Variants in CCDC138 observed in about 807,000 individuals in gnomAD.
CCDC138 encodes coiled-coil domain-containing protein 138.
Under a neutral mutation model 82.3 loss-of-function variants are expected in CCDC138, and 66 were observed. The ratio of observed to expected loss-of-function variants is 0.80; its 90% CI spans 0.66 to 0.98. CCDC138 has a LOEUF of 0.98. Ranked by LOEUF, CCDC138 falls within the 50% of genes least tolerant of loss-of-function variation. The pLI, the probability that CCDC138 is intolerant of heterozygous loss-of-function variation, is 0.00. For missense variants in CCDC138, 816 were observed against 758.9 expected (o/e 1.08, Z -0.88); for synonymous variants, 297 against 265.4 (o/e 1.12, Z -1.16).
chr2:108,812,570 C>A (rs1331876659), intron 7 of CCDC138, 61 bp from the exon 8 acceptor site: 2 of 1,241,754 alleles, frequency 1.6e-6, no homozygotes, highest in Non-Finnish European at 2.4e-6. Flanking sequence ...GATTGGGAAA[C>A]CCTTAGTATG....
intron 3 of CCDC138, 31 bp from the exon 4 acceptor site, chr2:108,791,644 A>G (rs776500022): frequency 1.9e-6 from 3 of 1,595,906 alleles, no homozygotes; most frequent in African/African-American, 1.3e-5. Context: ...GTAAACTTCT[A>G]GATTGCTGTG....
intron 7 of CCDC138, among the ~76,000 whole-genome samples, chr2:108,811,668 A>G (rs1683896276): frequency 6.6e-6 from 1 of 152,074 alleles, no homozygotes; most frequent in Non-Finnish European, 1.5e-5. Flanking sequence ...TTACATGGAT[A>G]TATTGTGTAA....
chr2:108,855,643 C>T (rs551276136), intron 12 of CCDC138, among the ~76,000 whole-genome samples: 1 of 152,198 alleles, frequency 6.6e-6, no homozygotes, highest in Admixed American at 6.5e-5. Context: ...TAAATTCTAC[C>T]AATGGTAAAA....
intron 5 of CCDC138, among the ~76,000 whole-genome samples, chr2:108,797,962 A>AT (rs11289218): frequency 4.4e-4 from 62 of 141,228 alleles, no homozygotes; most frequent in Admixed American, 2.1e-3. Context: ...ACGGTGTGTG[A>AT]TTTTTTTTTT....
At chr2:108,877,202 T>G (rs1696078967), downstream of CCDC138, among the ~76,000 whole-genome samples, 3 of 152,114 alleles carry the variant, frequency 2.0e-5, no homozygotes, top group Non-Finnish European at 4.4e-5. Flanking sequence ...GCGCGGTGGC[T>G]TACGCCTGTA....
intron 13 of CCDC138, among the ~76,000 whole-genome samples, chr2:108,864,441 C>G (rs1347987877): frequency 6.6e-6 from 1 of 151,980 alleles, no homozygotes; most frequent in African/African-American, 2.4e-5. Context: ...GGAGGGAGGA[C>G]TGCTTGATCC....
At chr2:108,802,468 T>C (rs1404724979) in intron 6 of CCDC138, among the ~76,000 whole-genome samples, 2,270 of 143,444 alleles carry the variant, frequency 0.016, 65 homozygotes, top group African/African-American at 0.061. Context: ...GTGATTTTTG[T>C]ACATTGATTT....
chr2:108,818,100 G>T (rs980080336), intron 10 of CCDC138, among the ~76,000 whole-genome samples: 9 of 152,092 alleles, frequency 5.9e-5, no homozygotes, highest in African/African-American at 1.2e-4. Context: ...GAGCCTAGGG[G>T]TTTGAGATCA....
At chr2:108,818,713 T>C (rs1337136973) in intron 10 of CCDC138, among the ~76,000 whole-genome samples, 2 of 152,180 alleles carry the variant, frequency 1.3e-5, no homozygotes, top group Non-Finnish European at 2.9e-5. Context: ...GTTATCGGAC[T>C]CTGTTAACCA....
At chr2:108,842,989 A>G (rs142228769) in intron 11 of CCDC138, among the ~76,000 whole-genome samples, 8 of 152,276 alleles carry the variant, frequency 5.3e-5, no homozygotes, top group South Asian at 2.1e-4. Flanking sequence ...TTTTGCTTCA[A>G]CCGTCAAACA....
At chr2:108,830,916 T>C (rs899942533) in intron 10 of CCDC138, among the ~76,000 whole-genome samples, 1 of 152,074 alleles carries the variant, frequency 6.6e-6, no homozygotes, top group African/African-American at 2.4e-5. Context: ...GGCTCACGCC[T>C]GTAGTCCCAG....
At chr2:108,793,079 C>T (rs1182734848) in intron 4 of CCDC138, among the ~76,000 whole-genome samples, 3 of 143,456 alleles carry the variant, frequency 2.1e-5, no homozygotes, top group African/African-American at 7.9e-5. Flanking sequence ...AAAGCAAGGC[C>T]GGGCACGGTG....
chr2:108,860,089 T>A (rs1574269430), intron 13 of CCDC138, among the ~76,000 whole-genome samples: 2 of 152,128 alleles, frequency 1.3e-5, no homozygotes, highest in East Asian at 3.8e-4. Flanking sequence ...TGCCCTTGAT[T>A]TGGTTTTCAG....
At chr2:108,787,178 C>T (rs888703881) in intron 1 of CCDC138, among the ~76,000 whole-genome samples, 12 of 151,952 alleles carry the variant, frequency 7.9e-5, no homozygotes, top group Non-Finnish European at 1.8e-4. Flanking sequence ...TGCTATTCAG[C>T]TTTTTTTTGC....
chr2:108,850,963 T>G (rs1691381065), intron 12 of CCDC138, among the ~76,000 whole-genome samples: 1 of 152,138 alleles, frequency 6.6e-6, no homozygotes, highest in African/African-American at 2.4e-5. Context: ...ATCCCACAAG[T>G]TGGGCACTCA....
rs202200427 is a variant in CCDC138, at chr2:108,825,012, G to A, written c.1206+8907G>A. On this transcript the variant is annotated intron_variant, in intron 10 of 14. Coordinates refer to ENST00000295124, the MANE Select transcript of CCDC138 (RefSeq NM_144978.3). Reference sequence around the variant, plus strand: ...CTCTTTCATATGGAACTAGACATATGTATGGAAGATACAGTACACAGAATT... The same window carrying A: ...CTCTTTCATATGGAACTAGACATATATATGGAAGATACAGTACACAGAATT... Among the ~76,000 whole-genome samples the A allele has an allele frequency of 5.3e-5, 8 of 152,178 alleles. No homozygotes were observed. The East Asian group carries it at 1.5e-3, about 29-fold the overall frequency.
At chr2:108,829,660 C>T (rs996819011) in intron 10 of CCDC138, among the ~76,000 whole-genome samples, 49 of 152,254 alleles carry the variant, frequency 3.2e-4, no homozygotes, top group African/African-American at 1.1e-3. Context: ...GCATGGGAAT[C>T]GCTTGAACCT....
chr2:108,869,697 A>T (rs1419665924), intron 13 of CCDC138, among the ~76,000 whole-genome samples: 3 of 152,126 alleles, frequency 2.0e-5, no homozygotes, highest in Non-Finnish European at 1.5e-5. Flanking sequence ...AGAAAAAAAG[A>T]AAAAAACAGC....
intron 11 of CCDC138, among the ~76,000 whole-genome samples, chr2:108,844,100 G>A (rs773515662): frequency 6.6e-6 from 1 of 151,566 alleles, no homozygotes; most frequent in South Asian, 2.1e-4. Context: ...AGGCTCAAGC[G>A]ATCTTCCATC....
Sources: gnomAD v4.1 joint callset for allele counts (sites outside exome capture counted in the v4.1 genomes callset) on GRCh38, gnomAD v4.1.1 for gene constraint, MANE v1.5 for transcripts, NCBI Gene and HGNC (gene_info 2026-07-23, HGNC 2026-07-21) for gene names.